The following MAST4 variants were observed in gnomAD, a reference collection of about 807,000 sequenced individuals.
MAST4 encodes microtubule-associated serine/threonine-protein kinase 4.
MAST4 carries 89 observed loss-of-function variants against 162.7 expected under a neutral mutation model. The observed-to-expected ratio is 0.55, with a 90% confidence interval of 0.46 to 0.65. MAST4 has a LOEUF of 0.65. Ranked by LOEUF, MAST4 falls within the 30% of genes least tolerant of loss-of-function variation. The pLI is 0.00. For missense variants in MAST4, 3,153 were observed against 3,374.0 expected, an observed-to-expected ratio of 0.93 and a Z score of 1.62; for synonymous variants, 1,479 against 1,361.1, an observed-to-expected ratio of 1.09 and a Z score of -1.91.
chr5:66,619,712 C>T (rs2149405287), intron 1 of MAST4, among the ~76,000 whole-genome samples: 1 of 151,874 alleles, frequency 6.6e-6, no homozygotes, highest in Non-Finnish European at 1.5e-5. Flanking sequence ...TGCCAGATTC[C>T]TATTCAGCAT....
intron 6 of MAST4, among the ~76,000 whole-genome samples, chr5:67,091,626 GA>G (rs1763876662): frequency 6.6e-6 from 1 of 152,134 alleles, no homozygotes; most frequent in East Asian, 1.9e-4. Context: ...ATAAAGGGGA[GA>G]ATGCATTTAA....
chr5:66,799,751 A>G (rs1336375315), intron 3 of MAST4, among the ~76,000 whole-genome samples: 1 of 152,132 alleles, frequency 6.6e-6, no homozygotes, highest in Non-Finnish European at 1.5e-5. Context: ...TTTAGAATTT[A>G]ATTGTTATAG....
chr5:66,712,795 C>T (rs1290369612), intron 1 of MAST4, among the ~76,000 whole-genome samples: 1 of 152,188 alleles, frequency 6.6e-6, no homozygotes, highest in Non-Finnish European at 1.5e-5. Context: ...ATTCACTCCA[C>T]AAAGACCTAT....
At chr5:66,732,683 C>G (rs1018702534) in intron 1 of MAST4, among the ~76,000 whole-genome samples, 1 of 152,200 alleles carries the variant, frequency 6.6e-6, no homozygotes, top group Non-Finnish European at 1.5e-5. Flanking sequence ...ACTCCATCTG[C>G]AAATGCTCAG....
chr5:67,134,742 T>C, intron 18 of MAST4, 54 bp downstream of exon 18: 16 of 1,453,836 alleles, frequency 1.1e-5, no homozygotes, highest in Non-Finnish European at 1.5e-5. Flanking sequence ...AGCTATTTAA[T>C]GTAAATCTGT....
intron 3 of MAST4, among the ~76,000 whole-genome samples, chr5:66,826,373 A>G (rs1033368825): frequency 2.6e-5 from 4 of 151,812 alleles, no homozygotes; most frequent in African/African-American, 9.7e-5. Flanking sequence ...CCAGATTCCT[A>G]TTTATCACTC....
At chr5:67,062,800 A>G (rs1759784325) in intron 5 of MAST4, among the ~76,000 whole-genome samples, 1 of 152,158 alleles carries the variant, frequency 6.6e-6, no homozygotes, top group Admixed American at 6.5e-5. Context: ...CTGACATCAT[A>G]CATTTCCTTT....
chr5:66,977,679 T>A (rs1159871032), intron 4 of MAST4, among the ~76,000 whole-genome samples: 1 of 152,242 alleles, frequency 6.6e-6, no homozygotes, highest in African/African-American at 2.4e-5. Context: ...CTCTTGGGTT[T>A]ACATTAGCTG....
At chr5:67,052,150 T>C (rs1758260244) in intron 4 of MAST4, among the ~76,000 whole-genome samples, 1 of 152,186 alleles carries the variant, frequency 6.6e-6, no homozygotes, top group Admixed American at 6.5e-5. Flanking sequence ...TTAACTTCTC[T>C]TCTTTTAACT....
chr5:67,099,450 G>A (rs1276565239), intron 7 of MAST4, among the ~76,000 whole-genome samples: 1 of 151,884 alleles, frequency 6.6e-6, no homozygotes, highest in Non-Finnish European at 1.5e-5. Flanking sequence ...TAGTTTTGCT[G>A]CATTGCAATG....
At chr5:66,829,601 G>A (rs373516328) in intron 3 of MAST4, among the ~76,000 whole-genome samples, 2 of 152,056 alleles carry the variant, frequency 1.3e-5, no homozygotes, top group African/African-American at 4.8e-5. Flanking sequence ...TTCAACATTA[G>A]TATGGTTAAC....
intron 3 of MAST4, among the ~76,000 whole-genome samples, chr5:66,868,137 T>G (rs1216300337): frequency 2.0e-5 from 3 of 152,206 alleles, no homozygotes; most frequent in Non-Finnish European, 4.4e-5. Context: ...CATAAAGTAT[T>G]ACATGATTGA....
chr5:66,733,604 C>A (rs983982980), intron 1 of MAST4, among the ~76,000 whole-genome samples: 1 of 152,036 alleles, frequency 6.6e-6, no homozygotes, highest in Non-Finnish European at 1.5e-5. Flanking sequence ...ATTACAGGCG[C>A]CCGCCACCAC....
At chr5:67,142,289 A>G (rs368009341) in intron 20 of MAST4, 52 bp downstream of exon 20, 61 of 1,595,956 alleles carry the variant, frequency 3.8e-5, no homozygotes, top group African/African-American at 5.4e-5. Flanking sequence ...TCGATAAATA[A>G]TTATCTTTGC....
At chr5:66,996,560 G>A (rs75050306) in intron 4 of MAST4, among the ~76,000 whole-genome samples, 2,604 of 152,072 alleles carry the variant, frequency 0.017, 87 homozygotes, top group African/African-American at 0.06. Flanking sequence ...CAATTTCTGT[G>A]CGCTGAAATC....
At chr5:67,094,020 A>G in intron 6 of MAST4, 1 of 497,454 alleles carries the variant, frequency 2.0e-6, no homozygotes. Context: ...AATCATTAAC[A>G]TTTTCAGTTG....
At chr5:67,033,543 G>A (rs1276521428) in intron 4 of MAST4, among the ~76,000 whole-genome samples, 1 of 152,138 alleles carries the variant, frequency 6.6e-6, no homozygotes, top group African/African-American at 2.4e-5. Flanking sequence ...AAATGAAGCA[G>A]CAGATTCAGA....
At chr5:66,965,674 G>T (rs937357118) in intron 4 of MAST4, among the ~76,000 whole-genome samples, 3 of 151,784 alleles carry the variant, frequency 2.0e-5, no homozygotes, top group South Asian at 4.2e-4. Flanking sequence ...GAAATAATGT[G>T]TGTCACTAGG....
At chr5:66,648,861 G>A (rs543144808) in intron 1 of MAST4, among the ~76,000 whole-genome samples, 1 of 152,230 alleles carries the variant, frequency 6.6e-6, no homozygotes, top group East Asian at 1.9e-4. Flanking sequence ...AATCTTAATA[G>A]TAAGACTTGA....
Sources: allele counts gnomAD v4.1 joint callset (sites outside exome capture counted in the v4.1 genomes callset), GRCh38; gene constraint gnomAD v4.1.1; transcripts MANE v1.5; gene names NCBI Gene and HGNC (gene_info 2026-07-23, HGNC 2026-07-21).